CHD7: variants seen among roughly 807,000 people sequenced by gnomAD.
CHD7 encodes ATP-dependent chromatin remodeler CHD7.
Under a neutral mutation model 307.3 loss-of-function variants are expected in CHD7, and 24 were observed. The ratio of observed to expected loss-of-function variants is 0.08; its 90% CI spans 0.06 to 0.11. The LOEUF is 0.11. Among genes scored for constraint, CHD7 ranks in the 10% least tolerant of loss-of-function variants. The probability of loss-of-function intolerance (pLI) is 1.00; values close to 1 mark genes in which losing one functional copy is unlikely to be tolerated. For synonymous variants in CHD7, 1,363 were observed against 1,349.9 expected, an observed-to-expected ratio of 1.01 and a Z score of -0.21; for missense variants, 3,106 against 3,727.1, an observed-to-expected ratio of 0.83 and a Z score of 4.34.
At chr8:60,749,072 A>G (rs1186497455) in intron 2 of CHD7, among the ~76,000 whole-genome samples, 1 of 151,960 alleles carries the variant, frequency 6.6e-6, no homozygotes, top group African/African-American at 2.4e-5. Context: ...AAGTTTACCC[A>G]GTAAATAAAG....
In CHD7 at chr8:60,849,132, C is replaced by T. The variant is rs559748498; in HGVS notation, c.5382C>T (p.Leu1794=). Residue 1794 remains leucine, a synonymous_variant, in exon 25 of 38, where the codon CTC becomes CTT. Coordinates refer to ENST00000423902, the MANE Select transcript of CHD7 (RefSeq NM_017780.4). ...GGGATAAGGAAGCAGACAAATCCCT[C>T]TTAATTGGAGTGTTCAAACATGGTA... ...DWWDKEADKS[L]LIGVFKHGYE... 5.0e-6 allele frequency: 8 copies of T among 1,612,676 alleles called. No homozygotes were observed. The South Asian group carries it at 5.5e-5, about 11-fold the overall frequency.
At chr8:60,750,640 T>TA (rs1358525519) in intron 2 of CHD7, among the ~76,000 whole-genome samples, 1 of 152,202 alleles carries the variant, frequency 6.6e-6, no homozygotes, top group African/African-American at 2.4e-5. Flanking sequence ...GTAGTCAGTA[T>TA]AAAAAATTGC....
chr8:60,861,506 C>G (rs537968611), intron 35 of CHD7: 1 of 173,678 alleles, frequency 5.8e-6, no homozygotes, highest in East Asian at 1.6e-4. Flanking sequence ...TCCCAGAGTG[C>G]TATGAAGCCA....
chr8:60,734,872 T>G (rs1294341007), intron 1 of CHD7, among the ~76,000 whole-genome samples: 1 of 152,170 alleles, frequency 6.6e-6, no homozygotes, highest in Non-Finnish European at 1.5e-5. Context: ...AGAGGTATGA[T>G]GTAATCTGTG....
At chr8:60,708,073 T>C (rs16926421) in intron 1 of CHD7, among the ~76,000 whole-genome samples, 7,255 of 152,212 alleles carry the variant, frequency 0.048, 589 homozygotes, top group African/African-American at 0.16. Context: ...GGTCGAAGGG[T>C]GGTGCGTAAA....
At chr8:60,729,504 A>G (rs745692369) in intron 1 of CHD7, among the ~76,000 whole-genome samples, 1 of 152,160 alleles carries the variant, frequency 6.6e-6, no homozygotes, top group Non-Finnish European at 1.5e-5. Context: ...ATGAAACCTA[A>G]TTATTTAGAT....
chr8:60,819,143 C>G (rs980895572), intron 8 of CHD7, among the ~76,000 whole-genome samples: 2 of 152,010 alleles, frequency 1.3e-5, no homozygotes, highest in Non-Finnish European at 2.9e-5. Context: ...TTAGTAGAGA[C>G]GGGGTTTCAC....
chr8:60,802,575 C>A (rs1263544049), intron 6 of CHD7, among the ~76,000 whole-genome samples: 1 of 152,202 alleles, frequency 6.6e-6, no homozygotes, highest in Non-Finnish European at 1.5e-5. Context: ...TAGCTGCGAA[C>A]TCCTGGGCTC....
In CHD7 at chr8:60,826,340, G is replaced by A. The variant is rs967939314; in HGVS notation, c.3379-2323G>A. On this transcript the variant is annotated intron_variant, in intron 13 of 37. Coordinates refer to ENST00000423902, the MANE Select transcript of CHD7 (RefSeq NM_017780.4). Reference sequence around the variant, plus strand: ...GAAGAATTTTTATTTGAGAAGAAATGTTTTCAAGATGGAACACATTATTGT... The same window carrying A: ...GAAGAATTTTTATTTGAGAAGAAATATTTTCAAGATGGAACACATTATTGT... Among the ~76,000 whole-genome samples, 9 of 152,280 alleles carry A rather than the reference G, an allele frequency of 5.9e-5. 1 individual carries two copies. Among genetic ancestry groups the A allele is most frequent in the Admixed American group, 5.2e-4 (8 of 15,294 alleles).
intron 1 of CHD7, among the ~76,000 whole-genome samples, chr8:60,730,149 A>T (rs771208899): frequency 1.1e-4 from 17 of 152,250 alleles, no homozygotes; most frequent in Non-Finnish European, 2.2e-4. Flanking sequence ...GTAACTTGTA[A>T]GTTAATTACT....
At chr8:60,811,023 A>G (rs1812780538) in intron 7 of CHD7, among the ~76,000 whole-genome samples, 1 of 152,186 alleles carries the variant, frequency 6.6e-6, no homozygotes, top group Non-Finnish European at 1.5e-5. Context: ...CCTTATGAGA[A>G]TCTAACTAAT....
intron 1 of CHD7, among the ~76,000 whole-genome samples, chr8:60,694,052 G>A (rs1465479621): frequency 6.6e-6 from 1 of 152,230 alleles, no homozygotes; most frequent in Non-Finnish European, 1.5e-5. Flanking sequence ...GCAATTCTAA[G>A]AAGGACTTTA....
intron 6 of CHD7, 97 bp from the exon 7 acceptor site, chr8:60,808,120 C>G (rs974004029): frequency 4.8e-6 from 4 of 839,924 alleles, no homozygotes; most frequent in South Asian, 1.5e-5. Flanking sequence ...CTGCTCTTTT[C>G]AGTCCTATTT....
At chr8:60,688,363 G>A (rs768567657) in intron 1 of CHD7, among the ~76,000 whole-genome samples, 4 of 152,170 alleles carry the variant, frequency 2.6e-5, no homozygotes, top group Non-Finnish European at 5.9e-5. Context: ...ATTTTTATTA[G>A]TTCAGTTTAA....
At chr8:60,780,442 T>A (rs1811151930) in intron 2 of CHD7, among the ~76,000 whole-genome samples, 2 of 152,256 alleles carry the variant, frequency 1.3e-5, no homozygotes, top group Admixed American at 6.5e-5. Flanking sequence ...GGGTATGTGC[T>A]TTTAATTTGA....
chr8:60,729,121 A>G (rs1338406426), intron 1 of CHD7, among the ~76,000 whole-genome samples: 3 of 152,222 alleles, frequency 2.0e-5, no homozygotes, highest in African/African-American at 7.2e-5. Flanking sequence ...GATCTAAGCA[A>G]TTTTGAGTAC....
intron 3 of CHD7, among the ~76,000 whole-genome samples, chr8:60,782,344 G>A (rs984868524): frequency 2.2e-4 from 33 of 152,300 alleles, no homozygotes; most frequent in African/African-American, 7.7e-4. Flanking sequence ...CATTTGCTGT[G>A]AACTTTTTGA....
At chr8:60,856,410 C>G (rs371278219) in intron 33 of CHD7, 35 bp from the exon 34 acceptor site, 6 of 1,561,204 alleles carry the variant, frequency 3.8e-6, no homozygotes, top group Non-Finnish European at 4.3e-6. Flanking sequence ...TGTTTTGGCT[C>G]ACTGCAACTC....
rs955811265 is a variant in CHD7 at position 60,742,367 on chromosome 8, G to C, written c.935G>C (p.Arg312Pro). Residue 312 changes from arginine to proline, a missense_variant, in exon 2 of 38, where the codon CGA (arginine) becomes CCA (proline). Coordinates refer to ENST00000423902, the MANE Select transcript of CHD7 (RefSeq NM_017780.4). ...PTINNSGQYS[R>P]YPYSNLNQGL... Reference sequence around the variant, plus strand: ...ATAAACAACTCAGGGCAGTATTCTCGATATCCTTACAGTAACCTAAATCAG... The same window carrying C: ...ATAAACAACTCAGGGCAGTATTCTCCATATCCTTACAGTAACCTAAATCAG... The C allele has an allele frequency of 6.2e-7, 1 of 1,613,922 alleles. No individual in the cohort carries two copies. Among genetic ancestry groups the C allele is most frequent in the Non-Finnish European group, 8.5e-7 (1 of 1,179,862 alleles).
Sources: gnomAD v4.1 joint callset for allele counts (sites outside exome capture counted in the v4.1 genomes callset) on GRCh38, gnomAD v4.1.1 for gene constraint, MANE v1.5 for transcripts, NCBI Gene and HGNC (gene_info 2026-07-23, HGNC 2026-07-21) for gene names.